CDH3: variants seen among roughly 807,000 people sequenced by gnomAD.
CDH3 encodes cadherin 3, also known as cadherin-3.
Under a neutral mutation model 82.0 loss-of-function variants are expected in CDH3, and 54 were observed. That is an observed-to-expected ratio of 0.66 (90% CI 0.53 to 0.83). The LOEUF (loss-of-function observed/expected upper bound fraction) is 0.83. Among genes scored for constraint, CDH3 ranks in the 40% least tolerant of loss-of-function variants. CDH3 has a pLI of 0.00. For missense variants in CDH3, 1,054 were observed against 1,084.6 expected, an observed-to-expected ratio of 0.97 and a Z score of 0.40; for synonymous variants, 446 against 437.9, an observed-to-expected ratio of 1.02 and a Z score of -0.23.
chr16:68,698,156 C>T (rs1360214633), intron 15 of CDH3, 35 bp from the exon 16 acceptor site: 6 of 1,599,662 alleles, frequency 3.8e-6, no homozygotes, highest in African/African-American at 1.3e-5. Flanking sequence ...AGGCAGGACC[C>T]GCCGCTCCTA....
chr16:68,674,610 C>A (rs994777713), intron 2 of CDH3, among the ~76,000 whole-genome samples: 3 of 151,986 alleles, frequency 2.0e-5, no homozygotes, highest in African/African-American at 7.2e-5. Context: ...TGGCATGCGT[C>A]TGTGGTCCCA....
chr16:68,650,239 C>T (rs1408349723), intron 2 of CDH3, among the ~76,000 whole-genome samples: 1 of 152,102 alleles, frequency 6.6e-6, no homozygotes, highest in African/African-American at 2.4e-5. Flanking sequence ...GTCCCCTCTC[C>T]TAGGGGACTC....
chr16:68,651,541 C>G (rs143654849), intron 2 of CDH3: 2 of 497,208 alleles, frequency 4.0e-6, no homozygotes, highest in East Asian at 5.0e-5. Context: ...ATGTCCACCC[C>G]GCTCTGCAGC....
chr16:68,679,669 T>G, intron 6 of CDH3, 130 bp from the exon 7 acceptor site: 1 of 616,282 alleles, frequency 1.6e-6, no homozygotes, highest in South Asian at 1.9e-5. Context: ...CACTCCAGCC[T>G]GGGTGATAGA....
downstream of CDH3, among the ~76,000 whole-genome samples, chr16:68,731,837 C>T (rs939680959): frequency 6.6e-6 from 1 of 150,702 alleles, no homozygotes; most frequent in African/African-American, 2.4e-5. Flanking sequence ...GATCCTGTCT[C>T]AAAAACAAAC....
chr16:68,651,701 T>C (rs923264700), intron 2 of CDH3: 7 of 513,458 alleles, frequency 1.4e-5, no homozygotes, highest in African/African-American at 1.2e-4. Context: ...AGAGGTTTTC[T>C]AGCTGGTGCC....
chr16:68,714,185 T>C (rs112912213), intron 1 of CDH3, among the ~76,000 whole-genome samples: 7 of 152,196 alleles, frequency 4.6e-5, no homozygotes, highest in African/African-American at 1.7e-4. Flanking sequence ...CTGCCCACCC[T>C]GGCCTCCCAA....
intron 2 of CDH3, among the ~76,000 whole-genome samples, chr16:68,659,777 C>G (rs939391121): frequency 6.8e-6 from 1 of 146,246 alleles, no homozygotes; most frequent in Non-Finnish European, 1.5e-5. Context: ...CACACAGTTA[C>G]TGATTTTATA....
At chr16:68,709,616 G>A (rs1420278813) in intron 1 of CDH3, among the ~76,000 whole-genome samples, 2 of 152,080 alleles carry the variant, frequency 1.3e-5, no homozygotes, top group African/African-American at 4.8e-5. Flanking sequence ...CCTCCACCAC[G>A]CCCGGCTAAT....
At chr16:68,657,382 C>T (rs921773733) in intron 2 of CDH3, among the ~76,000 whole-genome samples, 2 of 152,078 alleles carry the variant, frequency 1.3e-5, no homozygotes, top group African/African-American at 2.4e-5. Flanking sequence ...GGCATGGTGG[C>T]GTGTGCCTGT....
At chr16:68,681,919 C>CA (rs1961240348) in intron 8 of CDH3, among the ~76,000 whole-genome samples, 1 of 152,192 alleles carries the variant, frequency 6.6e-6, no homozygotes, top group Admixed American at 6.5e-5. Context: ...CCAGAACCTC[C>CA]AAAAAATTTC....
At chr16:68,725,057 C>A (rs1374369714) in intron 2 of CDH3, among the ~76,000 whole-genome samples, 1 of 152,084 alleles carries the variant, frequency 6.6e-6, no homozygotes, top group Non-Finnish European at 1.5e-5. Flanking sequence ...GGTCCCTGGG[C>A]CTCCACAGTT....
chr16:68,704,204 G>A (rs573964766), downstream of CDH3, among the ~76,000 whole-genome samples: 371 of 145,218 alleles, frequency 2.6e-3, no homozygotes, highest in Middle Eastern at 8.3e-3. Context: ...GGAGAATGGC[G>A]TGAACCCGGG....
rs187433972 is a variant in CDH3 at position 68,695,164 on chromosome 16, A to G, written c.2003-91A>G. 2.9e-5 allele frequency: 38 copies of G among 1,321,172 alleles called. No individual in the cohort carries two copies. The East Asian group carries it at 7.3e-4, about 25-fold the overall frequency. 81.8% of individuals were successfully genotyped at this position (1,321,172 alleles called of 1,614,324 possible). On this transcript the variant is annotated intron_variant, in intron 13 of 15. Coordinates refer to ENST00000264012, the MANE Select transcript of CDH3 (RefSeq NM_001793.6). ...GTTAAGCTCTGGCTACTGAGTGAGG[A>G]CATCTGCAGTTAGAGGGGCTCTGAG... is the stretch of plus-strand genomic sequence containing the variant.
At chr16:68,682,526 G>A (rs866146710) in intron 9 of CDH3, 39 bp downstream of exon 9, 1 of 1,592,618 alleles carries the variant, frequency 6.3e-7, no homozygotes, top group South Asian at 1.1e-5. Flanking sequence ...CTATACCTGG[G>A]GCAGTCAGGT....
intron 8 of CDH3, among the ~76,000 whole-genome samples, chr16:68,681,667 G>A (rs1023997187): frequency 2.0e-5 from 3 of 152,072 alleles, no homozygotes; most frequent in African/African-American, 2.4e-5. Flanking sequence ...GCGAAACCCC[G>A]TCTCTACTAA....
chr16:68,678,918 G>C lies in CDH3; in HGVS notation c.691+12G>C. ...GGGAGTCCTACCAGGTAAGAGGACT[G>C]GGAAGGGGACTGCTACGGGGCTGGG... On this transcript the variant is annotated intron_variant, in intron 6 of 15. Transcript: ENST00000264012. 6.2e-7 allele frequency: 1 copy of C among 1,612,912 alleles called. No individual in the cohort carries two copies. Among genetic ancestry groups the C allele is most frequent in the Non-Finnish European group, 8.5e-7 (1 of 1,179,564 alleles).
chr16:68,687,452 C>G, intron 11 of CDH3, 60 bp from the exon 12 acceptor site: 3 of 1,361,916 alleles, frequency 2.2e-6, no homozygotes, highest in South Asian at 1.2e-5. Context: ...ACAGGAGGAG[C>G]CCCCCTGAGG....
intron 9 of CDH3, among the ~76,000 whole-genome samples, chr16:68,682,854 T>C (rs1257286622): frequency 1.3e-5 from 2 of 152,154 alleles, no homozygotes; most frequent in Non-Finnish European, 2.9e-5. Context: ...GATAATAAAA[T>C]GTTTTGAATC....
Sources: gnomAD v4.1 joint callset for allele counts (sites outside exome capture counted in the v4.1 genomes callset) on GRCh38, gnomAD v4.1.1 for gene constraint, MANE v1.5 for transcripts, NCBI Gene and HGNC (gene_info 2026-07-23, HGNC 2026-07-21) for gene names.